Variants in PACS1 observed in about 807,000 individuals in gnomAD.
PACS1 encodes the protein PACS-1.
In PACS1, 24 loss-of-function variants were observed where a neutral mutation model predicts 115.0. The observed-to-expected ratio is 0.21, with a 90% CI of 0.15 to 0.29. PACS1 has a LOEUF of 0.29. Among genes scored for constraint, PACS1 ranks in the 10% least tolerant of loss-of-function variants. The probability of loss-of-function intolerance (pLI) is 1.00; values close to 1 mark genes in which losing one functional copy is unlikely to be tolerated. For missense variants in PACS1, 838 were observed against 1,251.2 expected (o/e 0.67, Z 4.98); for synonymous variants, 453 against 504.5 (o/e 0.90, Z 1.37).
rs770952138 is a variant in PACS1, at chr11:66,193,591, G to A, written c.444+18G>A. ...AGCTGCAGGTGAGTGGGGCAGGACTGTTTGTTCAGGGCCCAGGGAAGCTGG... is the reference window on the plus strand; with the variant it reads ...AGCTGCAGGTGAGTGGGGCAGGACTATTTGTTCAGGGCCCAGGGAAGCTGG... On this transcript the variant is annotated intron_variant, in intron 2 of 23. Transcript: ENST00000320580. 3 of 1,572,718 alleles carry A rather than the reference G, an allele frequency of 1.9e-6. No individual in the cohort carries two copies. The highest frequency in any genetic ancestry group is 4.5e-5 in the East Asian group (2 of 44,584).
At chr11:66,115,783 T>A (rs1858292288) in intron 1 of PACS1, among the ~76,000 whole-genome samples, 1 of 152,190 alleles carries the variant, frequency 6.6e-6, no homozygotes, top group Non-Finnish European at 1.5e-5. Flanking sequence ...TCACCTTCCC[T>A]CCTCCCCTTC....
rs76782866 is a variant in PACS1, at chr11:66,228,760, G to A, written c.1374+1176G>A. Among the ~76,000 whole-genome samples, 80 of 152,282 alleles carry A rather than the reference G, an allele frequency of 5.3e-4. 1 individual carries two copies. In the East Asian group the frequency reaches 0.014, roughly 27 times the overall value. ...TACCCAGGGGAGAGGGAGGGGCATCGGGAGGCCTCAGGAATGCTGGAACGT... is the reference window on the plus strand; with the variant it reads ...TACCCAGGGGAGAGGGAGGGGCATCAGGAGGCCTCAGGAATGCTGGAACGT... On this transcript the variant is annotated intron_variant, in intron 11 of 23. Transcript: ENST00000320580.
At chr11:66,114,564 A>G (rs1858262464) in intron 1 of PACS1, among the ~76,000 whole-genome samples, 1 of 152,262 alleles carries the variant, frequency 6.6e-6, no homozygotes, top group South Asian at 2.1e-4. Context: ...ATTTATTTCT[A>G]ATTTTCACTC....
intron 1 of PACS1, among the ~76,000 whole-genome samples, chr11:66,175,223 T>TTTTTG (rs750519300): frequency 4.1e-4 from 63 of 152,212 alleles, no homozygotes; most frequent in African/African-American, 1.3e-3. Flanking sequence ...TACGGTTTTG[T>TTTTTG]TTTTGTTTTG....
chr11:66,141,444 A>C (rs1335900720), intron 1 of PACS1, among the ~76,000 whole-genome samples: 1 of 152,098 alleles, frequency 6.6e-6, no homozygotes, highest in Non-Finnish European at 1.5e-5. Flanking sequence ...ACCTGAGATC[A>C]GGAGTTTGAG....
At chr11:66,220,856 C>T (rs751575857) in intron 9 of PACS1, 65 bp downstream of exon 9, 8 of 1,516,980 alleles carry the variant, frequency 5.3e-6, no homozygotes, top group East Asian at 2.4e-5. Context: ...TCTCCTGACC[C>T]CTCCCTCGCT....
chr11:66,238,835 C>T lies in PACS1; in HGVS notation c.2282C>T (p.Pro761Leu), dbSNP rs1488182034. The T allele has an allele frequency of 1.3e-6, 2 of 1,584,294 alleles. No individual in the cohort carries two copies. Among genetic ancestry groups the T allele is most frequent in the African/African-American group, 1.3e-5 (1 of 74,472 alleles). The change falls in exon 20 of 24, where the codon CCC becomes CTC. Residue 761 changes from proline to leucine, a missense_variant. Physicochemically the swap from Pro to Leu is moderately conservative, Grantham distance 98. Coordinates refer to ENST00000320580, the MANE Select transcript of PACS1 (RefSeq NM_018026.4). ...AAGGTGGGTCTGGTTGAAGACTCTC[C>T]CTCCACAGCAGGTGAGGCTGGGGCT... is the stretch of plus-strand genomic sequence containing the variant. The part of the protein sequence containing the change: ...VVKVGLVEDS[P>L]STAGDGDDSP...
chr11:66,219,014 T>C (rs1855278359), intron 7 of PACS1, among the ~76,000 whole-genome samples: 1 of 152,110 alleles, frequency 6.6e-6, no homozygotes, highest in African/African-American at 2.4e-5. Context: ...CAGGCCTGAC[T>C]GCTGAGCTCT....
rs182215142 is a variant in PACS1, at chr11:66,189,439, C to T, written c.357-4047C>T. On this transcript the variant is annotated intron_variant, in intron 1 of 23. Coordinates refer to ENST00000320580, the MANE Select transcript of PACS1 (RefSeq NM_018026.4). ...TATTTATTGGTCTGTGATGTTTTTT[C>T]CTCCTAACATAATTCTGCCATATTA... Among the ~76,000 whole-genome samples the T allele has an allele frequency of 5.3e-3, 814 of 152,210 alleles. 24 individuals are homozygous for T. The highest frequency in any genetic ancestry group is 6.5e-4 in the Non-Finnish European group (44 of 68,004).
chr11:66,213,038 A>C (rs900677601), intron 4 of PACS1, among the ~76,000 whole-genome samples: 2 of 152,068 alleles, frequency 1.3e-5, no homozygotes, highest in African/African-American at 4.8e-5. Flanking sequence ...TTTTTAGTAG[A>C]GATGGGGTTT....
chr11:66,130,946 C>T (rs1289760577), intron 1 of PACS1, among the ~76,000 whole-genome samples: 5 of 151,838 alleles, frequency 3.3e-5, no homozygotes, highest in East Asian at 1.9e-4. Context: ...TGGCATGTGC[C>T]TGTGGTCCCA....
At chr11:66,175,800 AC>A (rs1175536608) in intron 1 of PACS1, among the ~76,000 whole-genome samples, 2 of 152,140 alleles carry the variant, frequency 1.3e-5, no homozygotes, top group African/African-American at 4.8e-5. Flanking sequence ...CAACCCAGAA[AC>A]CTGAGCGTCG....
At chr11:66,096,209 CTTTTTTTTT>C (rs66569530) in intron 1 of PACS1, among the ~76,000 whole-genome samples, 31 of 119,514 alleles carry the variant, frequency 2.6e-4, no homozygotes, top group African/African-American at 1.1e-3. Flanking sequence ...CTTTTTCTTT[CTTTTTTTTT>C]TTTTTTTTTT....
chr11:66,216,734 A>C lies in PACS1; in HGVS notation c.937A>C (p.Lys313Gln). Residue 313 changes from lysine to glutamine, a missense_variant, in exon 7 of 24, where the codon AAG (lysine) becomes CAG (glutamine). Transcript: ENST00000320580. ...AGACGAAGATCTCCGGAAAGTGAAG[A>C]AGACCCGGAGGAAACTAACCTCAAC... ...YEDEDLRKVK[K>Q]TRRKLTSTSA... 1 of 1,614,078 alleles carries C rather than the reference A, an allele frequency of 6.2e-7. No individual in the cohort carries two copies. The highest frequency in any genetic ancestry group is 1.1e-5 in the South Asian group (1 of 91,078).
intron 14 of PACS1, 54 bp downstream of exon 14, chr11:66,232,330 G>A (rs1367147750): frequency 2.3e-5 from 24 of 1,023,494 alleles, no homozygotes; most frequent in Admixed American, 3.5e-5. Context: ...GGCAATGCCC[G>A]GTTGCATTGT....
intron 1 of PACS1, among the ~76,000 whole-genome samples, chr11:66,151,146 C>A (rs1859226849): frequency 6.6e-6 from 1 of 151,782 alleles, no homozygotes; most frequent in South Asian, 2.1e-4. Context: ...TCCCAGGGAG[C>A]CCAGCAAGAC....
At chr11:66,153,488 A>T (rs1859289344) in intron 1 of PACS1, among the ~76,000 whole-genome samples, 1 of 152,124 alleles carries the variant, frequency 6.6e-6, no homozygotes, top group African/African-American at 2.4e-5. Flanking sequence ...CTACCTAAAA[A>T]ATAAAAAACC....
At chr11:66,239,388 T>A in intron 21 of PACS1, 111 bp downstream of exon 21, 1 of 1,303,042 alleles carries the variant, frequency 7.7e-7, no homozygotes, top group Non-Finnish European at 1.0e-6. Context: ...CCGGGCGTGG[T>A]AGTGCACACC....
chr11:66,193,481 T>G lies in PACS1; in HGVS notation c.357-5T>G. Reference sequence around the variant, plus strand: ...TGACAGCATCTTCCTTCTCTGTTTTTCTAGGCTATTCAGCTTGACCCTGAA... The same window carrying G: ...TGACAGCATCTTCCTTCTCTGTTTTGCTAGGCTATTCAGCTTGACCCTGAA... On this transcript the variant is annotated splice_polypyrimidine_tract_variant and splice_region_variant and intron_variant, in intron 1 of 23. Transcript: ENST00000320580. 1 of 1,604,274 alleles carries G rather than the reference T, an allele frequency of 6.2e-7. No homozygotes were observed. Among genetic ancestry groups the G allele is most frequent in the Non-Finnish European group, 8.5e-7 (1 of 1,171,120 alleles).
Sources: gnomAD v4.1 joint callset for allele counts (sites outside exome capture counted in the v4.1 genomes callset) on GRCh38, gnomAD v4.1.1 for gene constraint, MANE v1.5 for transcripts, NCBI Gene and HGNC (gene_info 2026-07-23, HGNC 2026-07-21) for gene names.